The following COL13A1 variants were observed in gnomAD, a reference collection of about 807,000 sequenced individuals.
COL13A1 encodes collagen type XIII alpha 1 chain, also known as collagen alpha-1(XIII) chain.
Under a neutral mutation model 130.9 loss-of-function variants are expected in COL13A1, and 89 were observed. The observed-to-expected ratio is 0.68, with a 90% CI of 0.57 to 0.81. The LOEUF is 0.81. Ranked by LOEUF, COL13A1 falls within the 30% of genes least tolerant of loss-of-function variation. COL13A1 has a pLI of 0.00. For missense variants in COL13A1, 879 were observed against 934.6 expected (o/e 0.94, Z 0.78); for synonymous variants, 402 against 341.6 (o/e 1.18, Z -1.95).
At chr10:69,947,612 A>T (rs1012784329) in intron 38 of COL13A1, among the ~76,000 whole-genome samples, 1 of 152,068 alleles carries the variant, frequency 6.6e-6, no homozygotes, top group Non-Finnish European at 1.5e-5. Flanking sequence ...CAGCAACAAG[A>T]TCCATGTGTC....
chr10:69,927,668 A>G (rs1205497985), intron 27 of COL13A1, among the ~76,000 whole-genome samples: 1 of 152,174 alleles, frequency 6.6e-6, no homozygotes, highest in Admixed American at 6.5e-5. Context: ...AAGGTAGAGG[A>G]TGGGAGGAGA....
rs143763080 is a variant in COL13A1 at position 69,807,002 on chromosome 10, G to T, written c.294+4285G>T. ...AGCCTGGGCGACAGAGCAAGACTCC[G>T]TCTCAAAAAATAAAAATTAAAATAA... On this transcript the variant is annotated intron_variant, in intron 1 of 40. Coordinates refer to ENST00000645393, the MANE Select transcript of COL13A1 (RefSeq NM_001368882.1). Among the ~76,000 whole-genome samples the T allele has an allele frequency of 2.6e-5, 4 of 152,176 alleles. No individual in the cohort carries two copies. In the East Asian group the frequency reaches 7.7e-4, roughly 29 times the overall value.
chr10:69,841,884 C>T (rs968548344), intron 2 of COL13A1, among the ~76,000 whole-genome samples: 3 of 152,088 alleles, frequency 2.0e-5, no homozygotes, highest in Non-Finnish European at 4.4e-5. Flanking sequence ...CAGGGAGCTT[C>T]GGGACAGAGA....
intron 2 of COL13A1, among the ~76,000 whole-genome samples, chr10:69,864,196 TCTA>T (rs199751362): frequency 0.025 from 3,838 of 152,260 alleles, 64 homozygotes; most frequent in Middle Eastern, 0.037. Context: ...AGGTTCCAAG[TCTA>T]TGGAAGGGGT....
At chr10:69,813,084 G>C (rs1465257927) in intron 1 of COL13A1, among the ~76,000 whole-genome samples, 1 of 152,224 alleles carries the variant, frequency 6.6e-6, no homozygotes, top group African/African-American at 2.4e-5. Context: ...GCATAACAAG[G>C]TTCCCAACAT....
At chr10:69,942,573 T>A (rs560293837) in intron 35 of COL13A1, among the ~76,000 whole-genome samples, 1 of 151,024 alleles carries the variant, frequency 6.6e-6, no homozygotes, top group Non-Finnish European at 1.5e-5. Context: ...GTATCCTAAC[T>A]TTAAGGGAAA....
intron 2 of COL13A1, among the ~76,000 whole-genome samples, chr10:69,839,453 A>G (rs1850994989): frequency 6.6e-6 from 1 of 152,206 alleles, no homozygotes; most frequent in African/African-American, 2.4e-5. Flanking sequence ...GTATATATTT[A>G]AGGCTGACCA....
rs2067793854 is a variant in COL13A1, at chr10:69,942,572, C to T, written c.1914+1549C>T. ...TTTCCTCATAAAATCAGTATCCTAA[C>T]TTTAAGGGAAAATGTGGGGAAAAAA... On this transcript the variant is annotated intron_variant, in intron 35 of 40. Coordinates refer to ENST00000645393, the MANE Select transcript of COL13A1 (RefSeq NM_001368882.1). 2.0e-5 allele frequency among the ~76,000 whole-genome samples: 3 copies of T among 151,074 alleles called. No individual in the cohort carries two copies. In the South Asian group the frequency reaches 6.4e-4, roughly 32 times the overall value.
chr10:69,927,894 T>C (rs113007349), intron 27 of COL13A1, among the ~76,000 whole-genome samples: 48 of 152,344 alleles, frequency 3.2e-4, no homozygotes, highest in African/African-American at 1.1e-3. Flanking sequence ...GCACAGTGGC[T>C]TATGCCTGTA....
At chr10:69,839,261 A>T (rs1285486704) in intron 2 of COL13A1, among the ~76,000 whole-genome samples, 1 of 152,214 alleles carries the variant, frequency 6.6e-6, no homozygotes, top group Admixed American at 6.5e-5. Context: ...ATGAGGACCA[A>T]CCTGACAGAG....
At chr10:69,839,699 A>G (rs1302444836) in intron 2 of COL13A1, among the ~76,000 whole-genome samples, 1 of 152,234 alleles carries the variant, frequency 6.6e-6, no homozygotes, top group South Asian at 2.1e-4. Context: ...TAGCAGCAAA[A>G]GCCGGTGCAA....
At chr10:69,830,717 T>C (rs1848623460) in intron 2 of COL13A1, among the ~76,000 whole-genome samples, 1 of 152,060 alleles carries the variant, frequency 6.6e-6, no homozygotes. Context: ...GTTCAGTACA[T>C]ATTTTTTGTA....
At chr10:69,902,969 C>T in intron 15 of COL13A1, 114 bp downstream of exon 15, 5 of 761,648 alleles carry the variant, frequency 6.6e-6, no homozygotes, top group Non-Finnish European at 1.0e-5. Context: ...CTTGGCAGGG[C>T]CATTGGATGT....
chr10:69,880,568 C>T lies in COL13A1; in HGVS notation c.513+15C>T, dbSNP rs762676707. 1 of 1,612,772 alleles carries T rather than the reference C, an allele frequency of 6.2e-7. No individual in the cohort carries two copies. The highest frequency in any genetic ancestry group is 8.5e-7 in the Non-Finnish European group (1 of 1,179,596). On this transcript the variant is annotated intron_variant, in intron 7 of 40. Transcript: ENST00000645393. ...GCGGCCCCCCTGTAAGTTGTTTTTGCTCTTCCTCGGGGTGTTGGGGGGATG... is the reference window on the plus strand; with the variant it reads ...GCGGCCCCCCTGTAAGTTGTTTTTGTTCTTCCTCGGGGTGTTGGGGGGATG...
At chr10:69,946,945 G>A (rs796322400) in intron 37 of COL13A1, among the ~76,000 whole-genome samples, 52 of 152,130 alleles carry the variant, frequency 3.4e-4, no homozygotes, top group African/African-American at 1.2e-3. Context: ...CCACCACCAC[G>A]GCCAGCTGAT....
intron 38 of COL13A1, among the ~76,000 whole-genome samples, chr10:69,950,716 C>T (rs1430289482): frequency 6.6e-6 from 1 of 152,152 alleles, no homozygotes; most frequent in Non-Finnish European, 1.5e-5. Context: ...AAACGCATGT[C>T]GTTTTCTAAG....
intron 7 of COL13A1, among the ~76,000 whole-genome samples, chr10:69,886,438 T>C (rs529096233): frequency 6.6e-6 from 1 of 152,312 alleles, no homozygotes; most frequent in South Asian, 2.1e-4. Context: ...TGGGAAGAGA[T>C]TCTGGCTGTG....
chr10:69,943,015 A>G (rs2136118326), intron 35 of COL13A1, among the ~76,000 whole-genome samples: 1 of 152,172 alleles, frequency 6.6e-6, no homozygotes, highest in African/African-American at 2.4e-5. Flanking sequence ...GCCGGACTAA[A>G]TGTTGTATTT....
Position 69,822,379 on chromosome 10 carries a change from T to G in COL13A1, c.305T>G (p.Leu102Arg), listed in dbSNP as rs1193947990. 1.1e-5 allele frequency: 18 copies of G among 1,586,072 alleles called. No individual in the cohort carries two copies. The highest frequency in any genetic ancestry group is 1.5e-5 in the Non-Finnish European group (18 of 1,166,282). ...VNQLLDEKWK[L>R]HSRRRREAPK... Reference sequence around the variant, plus strand: ...TGTCTCCTTGTACAGAAATGGAAGCTCCACTCAAGGAGGCGCCGGGAGGCC... The same window carrying G: ...TGTCTCCTTGTACAGAAATGGAAGCGCCACTCAAGGAGGCGCCGGGAGGCC... Residue 102 changes from leucine to arginine, a missense_variant, in exon 2 of 41, where the codon CTC becomes CGC. By Grantham distance (102) the Leu-to-Arg change is moderately radical (BLOSUM62 -2). Coordinates refer to ENST00000645393, the MANE Select transcript of COL13A1 (RefSeq NM_001368882.1).
Sources: gnomAD v4.1 joint callset for allele counts (sites outside exome capture counted in the v4.1 genomes callset) on GRCh38, gnomAD v4.1.1 for gene constraint, MANE v1.5 for transcripts, NCBI Gene and HGNC (gene_info 2026-07-23, HGNC 2026-07-21) for gene names.